Variants in SORCS1 observed in about 807,000 individuals in gnomAD.
The protein encoded by SORCS1 is VPS10 domain-containing receptor SorCS1.
In SORCS1, 60 loss-of-function variants were observed where a neutral mutation model predicts 146.1. That is an observed-to-expected ratio of 0.41 (90% CI 0.33 to 0.51). The LOEUF is 0.51. SORCS1 is among the 20% of genes least tolerant of loss of function. The probability of loss-of-function intolerance (pLI) is 0.21; values close to 1 mark genes in which losing one functional copy is unlikely to be tolerated. For synonymous variants in SORCS1, 637 were observed against 584.0 expected (o/e 1.09, Z -1.31); for missense variants, 1,352 against 1,487.6 (o/e 0.91, Z 1.50).
intron 10 of SORCS1, among the ~76,000 whole-genome samples, chr10:106,685,078 T>C (rs1208170990): frequency 6.6e-6 from 1 of 152,202 alleles, no homozygotes; most frequent in African/African-American, 2.4e-5. Context: ...CCCTCTTTCT[T>C]CCATCTTAAT....
chr10:106,702,025 C>G (rs975759499), intron 8 of SORCS1, among the ~76,000 whole-genome samples: 2 of 152,134 alleles, frequency 1.3e-5, no homozygotes, highest in African/African-American at 4.8e-5. Flanking sequence ...ACTATATACA[C>G]GATAAGAAAG....
chr10:106,974,817 A>G (rs1200278862), intron 1 of SORCS1, among the ~76,000 whole-genome samples: 1 of 152,240 alleles, frequency 6.6e-6, no homozygotes. Flanking sequence ...AGTTTTGAGA[A>G]TGAAAATGCA....
chr10:107,174,072 G>A, the SORCS1 span, among the ~76,000 whole-genome samples: 5 of 152,010 alleles, frequency 3.3e-5, no homozygotes, highest in African/African-American at 1.2e-4. Flanking sequence ...GATCAATCAG[G>A]GATAAATCAG....
At chr10:106,692,251 G>C (rs1397370859) in intron 9 of SORCS1, among the ~76,000 whole-genome samples, 1 of 152,124 alleles carries the variant, frequency 6.6e-6, no homozygotes, top group East Asian at 1.9e-4. Context: ...GTTTTTGGTA[G>C]AGACAGGGTT....
intron 1 of SORCS1, among the ~76,000 whole-genome samples, chr10:107,006,458 G>A (rs1212042394): frequency 2.6e-5 from 4 of 152,218 alleles, no homozygotes; most frequent in Non-Finnish European, 4.4e-5. Flanking sequence ...GTAATAAGTA[G>A]TAAGTCAGAA....
chr10:106,583,488 G>A (rs1845042508), intron 24 of SORCS1, among the ~76,000 whole-genome samples: 1 of 152,064 alleles, frequency 6.6e-6, no homozygotes, highest in African/African-American at 2.4e-5. Context: ...TGCTTTCCCT[G>A]TTGCTGCAGT....
intron 10 of SORCS1, among the ~76,000 whole-genome samples, chr10:106,685,213 C>T (rs988533520): frequency 4.6e-5 from 7 of 152,100 alleles, no homozygotes; most frequent in South Asian, 2.1e-4. Context: ...AATCCAAACG[C>T]GAAACTGTCA....
chr10:106,749,922 T>C (rs1858025396), intron 5 of SORCS1, among the ~76,000 whole-genome samples: 1 of 152,174 alleles, frequency 6.6e-6, no homozygotes, highest in African/African-American at 2.4e-5. Flanking sequence ...GTCACACCCC[T>C]TGAAAACAGG....
chr10:106,804,489 A>G (rs1947068791), intron 3 of SORCS1, among the ~76,000 whole-genome samples: 1 of 152,040 alleles, frequency 6.6e-6, no homozygotes, highest in South Asian at 2.1e-4. Flanking sequence ...ACAAAAATTA[A>G]AACAAACACA....
At chr10:106,970,905 ATTTTT>A (rs34657393) in intron 1 of SORCS1, among the ~76,000 whole-genome samples, 2 of 96,486 alleles carry the variant, frequency 2.1e-5, no homozygotes, top group African/African-American at 7.4e-5. Context: ...TGCACAGCTA[ATTTTT>A]TTTTTTTTTT....
intron 1 of SORCS1, among the ~76,000 whole-genome samples, chr10:107,018,994 A>G (rs1168864908): frequency 6.6e-6 from 1 of 152,188 alleles, no homozygotes; most frequent in Non-Finnish European, 1.5e-5. Flanking sequence ...TAGCTATACA[A>G]TTTTAGGTAA....
intron 9 of SORCS1, among the ~76,000 whole-genome samples, chr10:106,690,468 G>A (rs535751066): frequency 2.0e-5 from 3 of 152,330 alleles, no homozygotes; most frequent in South Asian, 4.1e-4. Flanking sequence ...TGGCAAGGGT[G>A]CCAGCGCAGG....
At chr10:106,945,213 C>T (rs1281868946) in intron 2 of SORCS1, among the ~76,000 whole-genome samples, 3 of 151,758 alleles carry the variant, frequency 2.0e-5, no homozygotes, top group Non-Finnish European at 1.5e-5. Flanking sequence ...AGTATAGATA[C>T]GAATGGCTTC....
intron 6 of SORCS1, among the ~76,000 whole-genome samples, chr10:106,711,734 T>C (rs1402234997): frequency 4.6e-5 from 7 of 152,228 alleles, no homozygotes; most frequent in Admixed American, 4.6e-4. Context: ...ATCTCCTTTT[T>C]CAGGCATTCC....
chr10:106,607,534 C>T (rs1053297883), intron 22 of SORCS1, among the ~76,000 whole-genome samples: 2 of 152,228 alleles, frequency 1.3e-5, no homozygotes, highest in African/African-American at 4.8e-5. Context: ...AGACCTTAAG[C>T]TCATTGCTTG....
At chr10:107,093,043 T>A (rs1448908525) in intron 1 of SORCS1, among the ~76,000 whole-genome samples, 1 of 152,178 alleles carries the variant, frequency 6.6e-6, no homozygotes, top group Non-Finnish European at 1.5e-5. Flanking sequence ...TCTCATTTAA[T>A]CCTTACAAAA....
At chr10:106,905,392 C>A (rs1951868799) in intron 2 of SORCS1, among the ~76,000 whole-genome samples, 2 of 152,050 alleles carry the variant, frequency 1.3e-5, no homozygotes, top group Admixed American at 6.6e-5. Flanking sequence ...AAATACATTT[C>A]TAAGAAAAAA....
chr10:106,752,085 T>A (rs1229820711), intron 5 of SORCS1, among the ~76,000 whole-genome samples: 1 of 152,220 alleles, frequency 6.6e-6, no homozygotes, highest in African/African-American at 2.4e-5. Context: ...GTGAAATTGT[T>A]TCTTGGAATC....
intron 2 of SORCS1, among the ~76,000 whole-genome samples, chr10:106,886,001 C>G (rs1950986695): frequency 6.6e-6 from 1 of 152,180 alleles, no homozygotes; most frequent in African/African-American, 2.4e-5. Context: ...GTGGCTCACT[C>G]CTGTAATCCC....
Sources: allele counts gnomAD v4.1 joint callset (sites outside exome capture counted in the v4.1 genomes callset), GRCh38; gene constraint gnomAD v4.1.1; transcripts MANE v1.5; gene names NCBI Gene and HGNC (gene_info 2026-07-23, HGNC 2026-07-21).